RRAGC: variants seen among roughly 807,000 people sequenced by gnomAD.
The protein encoded by RRAGC is ras-related GTP-binding protein C.
In RRAGC, 8 loss-of-function variants were observed where a neutral mutation model predicts 37.1. The ratio of observed to expected loss-of-function variants is 0.22; its 90% CI spans 0.13 to 0.39. The LOEUF is 0.39. Ranked by LOEUF, RRAGC falls within the 10% of genes least tolerant of loss-of-function variation. RRAGC has a pLI of 1.00. For synonymous variants in RRAGC, 190 were observed against 181.1 expected (o/e 1.05, Z -0.39); for missense variants, 342 against 497.6 (o/e 0.69, Z 2.98).
chr1:38,844,884 C>T (rs1367149869), intron 6 of RRAGC, among the ~76,000 whole-genome samples: 7 of 152,180 alleles, frequency 4.6e-5, no homozygotes, highest in Non-Finnish European at 1.0e-4. Context: ...AAGCTCATCA[C>T]CACTGGTCAT....
rs1642161759 is a variant in RRAGC, at chr1:38,855,895, C to G, written c.454G>C (p.Glu152Gln). The change falls in exon 3 of 7, where the codon GAG (glutamate) becomes CAG (glutamine). Residue 152 changes from glutamate (E) to glutamine (Q), a missense_variant. This residue lies in a region of RRAGC where 134 missense variants were observed against 277.2 expected (regional missense o/e 0.48). Coordinates refer to ENST00000373001, the MANE Select transcript of RRAGC (RefSeq NM_022157.4). ...GTAATGTGAAGTCTTGTTAAAGCCT[C>G]CATGTAGTCATCCTGTAAGTCAGAA... is the stretch of plus-strand genomic sequence containing the variant. ...YVIDAQDDYM[E>Q]ALTRLHITVS... 9.3e-6 allele frequency: 15 copies of G among 1,611,414 alleles called. No homozygotes were observed. The highest frequency in any genetic ancestry group is 2.7e-5 in the African/African-American group (2 of 74,838).
intron 5 of RRAGC, chr1:38,846,814 A>G (rs911911042): frequency 6.6e-6 from 1 of 152,084 alleles, no homozygotes; most frequent in Non-Finnish European, 1.5e-5. Context: ...ACTAAAAAGA[A>G]AATGTCGGCT....
In RRAGC at chr1:38,859,596, G is replaced by T. The variant is rs755544382; in HGVS notation, c.51C>A (p.Gly17=). The T allele has an allele frequency of 5.1e-6, 8 of 1,566,508 alleles. No homozygotes were observed. In the African/African-American group the frequency reaches 6.8e-5, roughly 13 times the overall value. The change falls in exon 1 of 7, where the codon GGC becomes GGA. Residue 17 remains glycine (G), a synonymous_variant. Transcript: ENST00000373001. The stretch of plus-strand genomic sequence containing the variant: ...AGTCCTTTGGAAACGAATCGGCCGC[G>T]CCGTAACTGCCGGCGAGGGGCGTCT... ...AEETPLAGSY[G]AADSFPKDFG...
intron 5 of RRAGC, chr1:38,846,857 C>A (rs1409069345): frequency 6.6e-6 from 1 of 152,144 alleles, no homozygotes; most frequent in East Asian, 1.9e-4. Context: ...AATCCCAGCA[C>A]TTTGGGAGGT....
At chr1:38,846,117 A>T in intron 5 of RRAGC, 30 bp from the exon 6 acceptor site, 1 of 1,573,542 alleles carries the variant, frequency 6.4e-7, no homozygotes, top group Non-Finnish European at 8.6e-7. Context: ...TATTCATTAC[A>T]GGTTTCCCAT....
chr1:38,845,083 T>A (rs554755114), intron 6 of RRAGC, among the ~76,000 whole-genome samples: 2 of 152,172 alleles, frequency 1.3e-5, no homozygotes, highest in East Asian at 3.9e-4. Context: ...CTCAAAGATC[T>A]AGAACCAGAA....
intron 3 of RRAGC, among the ~76,000 whole-genome samples, chr1:38,854,344 T>C (rs566590401): frequency 4.6e-5 from 7 of 152,274 alleles, no homozygotes; most frequent in African/African-American, 1.2e-4. Flanking sequence ...GCTGGGATTA[T>C]AGGCATAAGC....
At chr1:38,853,575 A>G (rs6665977) in intron 3 of RRAGC, among the ~76,000 whole-genome samples, 85,875 of 151,922 alleles carry the variant, frequency 0.57, 27,629 homozygotes, top group Non-Finnish European at 0.73. Context: ...GAGAAACCCC[A>G]TGTCTACTAA....
Position 38,859,477 on chromosome 1 carries a change from G to A in RRAGC, c.170C>T (p.Ala57Val). The A allele has an allele frequency of 1.3e-6, 2 of 1,548,014 alleles. No homozygotes were observed. The highest frequency in any genetic ancestry group is 2.4e-5 in the South Asian group (2 of 83,984). The change falls in exon 1 of 7, where the codon GCT (alanine) becomes GTT (valine). Residue 57 changes from alanine to valine, a missense_variant. Ala to Val is a moderately conservative substitution (Grantham distance 64, BLOSUM62 0). Coordinates refer to ENST00000373001, the MANE Select transcript of RRAGC (RefSeq NM_022157.4). Reference protein sequence around the residue: ...GAGGGCGPGGADSSKPRILLM... With the variant: ...GAGGGCGPGGVDSSKPRILLM... ...CAGAATCCTCGGCTTGGAGCTGTCA[G>A]CGCCCCCCGGACCACAGCCACCGCC...
chr1:38,848,875 T>C (rs948316786), intron 5 of RRAGC, among the ~76,000 whole-genome samples: 1 of 152,082 alleles, frequency 6.6e-6, no homozygotes, highest in African/African-American at 2.4e-5. Flanking sequence ...TTCACACTTG[T>C]AATCCCAGCA....
intron 1 of RRAGC, 37 bp from the exon 2 acceptor site, chr1:38,857,119 A>T: frequency 6.9e-7 from 1 of 1,443,512 alleles, no homozygotes; most frequent in Non-Finnish European, 9.6e-7. Flanking sequence ...TGACTATTAA[A>T]CTTCAGAATT....
intron 3 of RRAGC, among the ~76,000 whole-genome samples, chr1:38,854,736 G>C (rs1642146465): frequency 6.6e-6 from 1 of 152,114 alleles, no homozygotes; most frequent in African/African-American, 2.4e-5. Context: ...TTTTCGACAT[G>C]GTTTCCTAGA....
At chr1:38,858,045 A>G (rs1011476116) in intron 1 of RRAGC, among the ~76,000 whole-genome samples, 8 of 152,218 alleles carry the variant, frequency 5.3e-5, no homozygotes, top group Admixed American at 3.3e-4. Context: ...TCTAGAAGAG[A>G]AAAGTGAACA....
Position 38,856,894 on chromosome 1 carries a change from G to T in RRAGC, c.426C>A (p.Tyr142Ter). The T allele has an allele frequency of 6.2e-7, 1 of 1,614,036 alleles. No individual in the cohort carries two copies. The highest frequency in any genetic ancestry group is 8.5e-7 in the Non-Finnish European group (1 of 1,179,912). The change falls in exon 2 of 7, where the codon TAC (tyrosine) becomes TAA (stop). Residue 142 changes from tyrosine (Y) to a stop codon, truncating the protein, a stop_gained. Coordinates refer to ENST00000373001, the MANE Select transcript of RRAGC (RefSeq NM_022157.4). LOFTEE classifies it high-confidence loss of function. ...TACTGACTACCTGTGCGTCAATGAC[G>T]TATATCAATGCTCCTGTTCCCCTGA... ...MIFRGTGALIYVIDAQDDYME... is the reference protein window; with the variant it reads ...MIFRGTGALI
chr1:38,845,669 G>A (rs1254003117), intron 6 of RRAGC, among the ~76,000 whole-genome samples: 1 of 152,154 alleles, frequency 6.6e-6, no homozygotes, highest in East Asian at 1.9e-4. Flanking sequence ...TGTTCAGATG[G>A]AAGCCAAACT....
intron 5 of RRAGC, among the ~76,000 whole-genome samples, chr1:38,850,195 G>C (rs951328740): frequency 6.7e-6 from 1 of 150,268 alleles, no homozygotes; most frequent in Non-Finnish European, 1.5e-5. Flanking sequence ...AACAGAGCGA[G>C]ACTCTTTTTC....
chr1:38,845,636 TAAAA>T (rs1642019396), intron 6 of RRAGC, among the ~76,000 whole-genome samples: 1 of 152,128 alleles, frequency 6.6e-6, no homozygotes, highest in African/African-American at 2.4e-5. Context: ...AATAAATAAA[TAAAA>T]GTCTAGTTTC....
At chr1:38,845,406 A>C (rs1209817741) in intron 6 of RRAGC, among the ~76,000 whole-genome samples, 2 of 152,222 alleles carry the variant, frequency 1.3e-5, no homozygotes, top group African/African-American at 4.8e-5. Context: ...GTTCTCACTC[A>C]TAAGTAGGGA....
chr1:38,849,667 G>A (rs1557585984), intron 5 of RRAGC, among the ~76,000 whole-genome samples: 3 of 151,710 alleles, frequency 2.0e-5, no homozygotes, highest in Non-Finnish European at 2.9e-5. Context: ...CAGCCTGGGC[G>A]ACAAGAGTGA....
Sources: gnomAD v4.1 joint callset for allele counts (sites outside exome capture counted in the v4.1 genomes callset) on GRCh38, gnomAD v4.1.1 for gene constraint, gnomAD v4.1.1 regional missense constraint, MANE v1.5 for transcripts, NCBI Gene and HGNC (gene_info 2026-07-23, HGNC 2026-07-21) for gene names.